Variants in PCDHGA12 observed in about 807,000 individuals in gnomAD.
The protein encoded by PCDHGA12 is protocadherin gamma subfamily A, 12.
In PCDHGA12, 43 loss-of-function variants were observed where a neutral mutation model predicts 61.1. The ratio of observed to expected loss-of-function variants is 0.70; its 90% CI spans 0.55 to 0.91. PCDHGA12 has a LOEUF of 0.91. Ranked by LOEUF, PCDHGA12 falls within the 40% of genes least tolerant of loss-of-function variation. The probability of loss-of-function intolerance (pLI) is 0.00; values close to 1 mark genes in which losing one functional copy is unlikely to be tolerated. For missense variants in PCDHGA12, 1,236 were observed against 1,227.7 expected (o/e 1.01, Z -0.10); for synonymous variants, 520 against 542.9 (o/e 0.96, Z 0.59).
chr5:141,487,032 C>T lies in PCDHGA12; in HGVS notation c.2425-7775C>T. 6.2e-7 allele frequency: 1 copy of T among 1,614,210 alleles called. No individual in the cohort carries two copies. The highest frequency in any genetic ancestry group is 1.1e-5 in the South Asian group (1 of 91,084). ...GAGGCCCCAGATCCCAGCCTGTTTG[C>T]AGTCTCTCGATATGCTGGGGAGGTG... On this transcript the variant is annotated intron_variant, in intron 1 of 3. Coordinates refer to ENST00000252085, the MANE Select transcript of PCDHGA12 (RefSeq NM_003735.3). The surrounding 1 kb of genome is among the most constrained non-coding windows in gnomAD (Gnocchi z 5.0).
intron 1 of PCDHGA12, among the ~76,000 whole-genome samples, chr5:141,458,512 TG>T (rs995261761): frequency 1.3e-5 from 2 of 150,194 alleles, no homozygotes; most frequent in East Asian, 1.9e-4. Flanking sequence ...TTTGACACTT[TG>T]TTTTTTTTTT....
intron 3 of PCDHGA12, among the ~76,000 whole-genome samples, chr5:141,508,629 T>C (rs934648689): frequency 6.6e-6 from 1 of 152,054 alleles, no homozygotes; most frequent in Non-Finnish European, 1.5e-5. Context: ...GGGCCGAGCT[T>C]CTAGCTACTC....
rs150878327 is a variant in PCDHGA12 at position 141,438,347 on chromosome 5, C to A, written c.2424+5164C>A. On this transcript the variant is annotated intron_variant, in intron 1 of 3. Coordinates refer to ENST00000252085, the MANE Select transcript of PCDHGA12 (RefSeq NM_003735.3). ...CTTATACATGTCATATAAGGATCTACTCTGTGTATTGTCATTGAGGGCAGA... is the reference window on the plus strand; with the variant it reads ...CTTATACATGTCATATAAGGATCTAATCTGTGTATTGTCATTGAGGGCAGA... Among the ~76,000 whole-genome samples the A allele has an allele frequency of 3.9e-3, 588 of 151,848 alleles. 6 individuals are homozygous for A. Among genetic ancestry groups the A allele is most frequent in the Admixed American group, 0.011 (169 of 15,256 alleles).
chr5:141,432,362 C>T lies in PCDHGA12; in HGVS notation c.1603C>T (p.Arg535Trp). Residue 535 changes from arginine to tryptophan, a missense_variant, in exon 1 of 4, where the codon CGG becomes TGG. Transcript: ENST00000252085. The surrounding 1 kb of genome is among the most constrained non-coding windows in gnomAD (Gnocchi z 6.0). ...AGACTTGCAAGTGAAAGTGATGGCG[C>T]GGGACAACGGGCACCCGCCCCTCAG... ...FRDLQVKVMA[R>W]DNGHPPLSSN... 2 of 1,614,218 alleles carry T rather than the reference C, an allele frequency of 1.2e-6. No homozygotes were observed. Among genetic ancestry groups the T allele is most frequent in the South Asian group, 2.2e-5 (2 of 91,082 alleles).
In PCDHGA12 at chr5:141,430,635, T is replaced by C. The variant is rs1561846344; in HGVS notation, c.-125T>C. 1 of 881,828 alleles carries C rather than the reference T, an allele frequency of 1.1e-6. No individual in the cohort carries two copies. The highest frequency in any genetic ancestry group is 1.7e-5 in the African/African-American group (1 of 58,728). The allele number at this position is 881,828 out of a possible 1,614,324, so 54.6% of individuals were successfully genotyped here. A position where few individuals can be genotyped will look rare whatever the true frequency, so the allele number is the denominator to read the frequency against. On this transcript the variant is annotated 5_prime_UTR_variant, in exon 1 of 4. Transcript: ENST00000252085. Reference sequence around the variant, plus strand: ...CAGATAGCTAGGAATGAACCATCCCTGGGAGTATGTGGAAACAACGGAGGA... The same window carrying C: ...CAGATAGCTAGGAATGAACCATCCCCGGGAGTATGTGGAAACAACGGAGGA...
intron 1 of PCDHGA12, among the ~76,000 whole-genome samples, chr5:141,482,605 C>T (rs2099569133): frequency 6.7e-6 from 1 of 150,032 alleles, no homozygotes; most frequent in Admixed American, 6.6e-5. Flanking sequence ...GAAAAAACAC[C>T]TAAATGAGCC....
intron 1 of PCDHGA12, among the ~76,000 whole-genome samples, chr5:141,448,117 A>G (rs564444141): frequency 6.6e-6 from 1 of 152,094 alleles, no homozygotes; most frequent in Non-Finnish European, 1.5e-5. Flanking sequence ...AAAGAAAATT[A>G]GCCTCCCCCA....
chr5:141,437,719 TA>T (rs1316054877), intron 1 of PCDHGA12, among the ~76,000 whole-genome samples: 1 of 151,332 alleles, frequency 6.6e-6, no homozygotes, highest in African/African-American at 2.4e-5. Context: ...AGTTACCCTC[TA>T]ATGTTACACT....
At chr5:141,492,509 C>T (rs1276866000) in intron 1 of PCDHGA12, among the ~76,000 whole-genome samples, 1 of 152,216 alleles carries the variant, frequency 6.6e-6, no homozygotes, top group African/African-American at 2.4e-5. Context: ...CCGGAGCCTC[C>T]TCTCACCTCT....
Position 141,476,364 on chromosome 5 carries a change from C to T in PCDHGA12, c.2425-18443C>T, listed in dbSNP as rs1462808655. The T allele has an allele frequency of 6.2e-7, 1 of 1,614,036 alleles. No homozygotes were observed. The highest frequency in any genetic ancestry group is 8.5e-7 in the Non-Finnish European group (1 of 1,180,026). Reference sequence around the variant, plus strand: ...AGATTCTTTGAGGTGAACCGGGAGACCGGAGAGATGTTTGTGAACGACCGT... The same window carrying T: ...AGATTCTTTGAGGTGAACCGGGAGATCGGAGAGATGTTTGTGAACGACCGT... On this transcript the variant is annotated intron_variant, in intron 1 of 3. Coordinates refer to ENST00000252085, the MANE Select transcript of PCDHGA12 (RefSeq NM_003735.3). This position sits in a 1 kb window ranked among gnomAD's most constrained non-coding sequence, Gnocchi z 7.6.
intron 1 of PCDHGA12, chr5:141,441,799 G>C (rs546770596): frequency 2.6e-6 from 1 of 385,350 alleles, no homozygotes; most frequent in Non-Finnish European, 5.2e-6. Context: ...AACGCACCGC[G>C]GGTGCTGTAC....
Position 141,487,893 on chromosome 5 carries a change from G to A in PCDHGA12, c.2425-6914G>A. Reference sequence around the variant, plus strand: ...AGCCAGGCTGTTGTGGAAGCATGATGATGGAATGTGGGAGCACAGGAGGCT... The same window carrying A: ...AGCCAGGCTGTTGTGGAAGCATGATAATGGAATGTGGGAGCACAGGAGGCT... On this transcript the variant is annotated intron_variant, in intron 1 of 3. Coordinates refer to ENST00000252085, the MANE Select transcript of PCDHGA12 (RefSeq NM_003735.3). The surrounding 1 kb of genome is among the most constrained non-coding windows in gnomAD (Gnocchi z 5.0). The A allele has an allele frequency of 1.4e-6, 1 of 731,472 alleles. No individual in the cohort carries two copies. The highest frequency in any genetic ancestry group is 2.2e-6 in the Non-Finnish European group (1 of 450,166). 45.3% of individuals were successfully genotyped at this position (731,472 alleles called of 1,614,324 possible). A position where few individuals can be genotyped will look rare whatever the true frequency, so the allele number is the denominator to read the frequency against.
chr5:141,450,015 T>A (rs911475310), intron 1 of PCDHGA12, among the ~76,000 whole-genome samples: 12 of 149,806 alleles, frequency 8.0e-5, no homozygotes, highest in Non-Finnish European at 1.6e-4. Flanking sequence ...TCTTTTTTTT[T>A]TTTTTTTTTG....
At chr5:141,434,193 T>G (rs2097677103) in intron 1 of PCDHGA12, among the ~76,000 whole-genome samples, 1 of 152,246 alleles carries the variant, frequency 6.6e-6, no homozygotes, top group South Asian at 2.1e-4. Flanking sequence ...GTAATTCCAA[T>G]GTACTTACTT....
At chr5:141,502,056 C>A (rs1163976282) in intron 2 of PCDHGA12, among the ~76,000 whole-genome samples, 1 of 152,116 alleles carries the variant, frequency 6.6e-6, no homozygotes, top group Non-Finnish European at 1.5e-5. Context: ...CTACTTTATT[C>A]CCATTAGCCC....
In PCDHGA12 at chr5:141,432,129, A is replaced by T. The variant is rs758099753; in HGVS notation, c.1370A>T (p.Tyr457Phe). The T allele has an allele frequency of 6.2e-6, 10 of 1,614,054 alleles. No individual in the cohort carries two copies. In the South Asian group the frequency reaches 8.8e-5, roughly 14 times the overall value. Residue 457 changes from tyrosine (Y) to phenylalanine (F), a missense_variant, in exon 1 of 4, where the codon TAT becomes TTT. Tyr to Phe is a conservative substitution (Grantham distance 22). Transcript: ENST00000252085. This position sits in a 1 kb window ranked among gnomAD's most constrained non-coding sequence, Gnocchi z 6.0. ...DNPPVFPQASYSAYIPENNPR... is the reference protein window; with the variant it reads ...DNPPVFPQASFSAYIPENNPR... ...CCGCCGGTCTTCCCTCAGGCCTCCTATTCCGCTTATATCCCAGAGAACAAT... is the reference window on the plus strand; with the variant it reads ...CCGCCGGTCTTCCCTCAGGCCTCCTTTTCCGCTTATATCCCAGAGAACAAT...
rs1188941232 is a variant in PCDHGA12, at chr5:141,512,270, G to A, written c.*1097G>A. ...TCTGTGGGTGCTGGGTACTCCAGAG[G>A]TGCCACTGGTGGAAGGGTCAGCGGA... On this transcript the variant is annotated 3_prime_UTR_variant, in exon 4 of 4. Coordinates refer to ENST00000252085, the MANE Select transcript of PCDHGA12 (RefSeq NM_003735.3). The A allele has an allele frequency of 1.3e-5, 2 of 152,714 alleles. No individual in the cohort carries two copies. The highest frequency in any genetic ancestry group is 2.9e-5 in the Non-Finnish European group (2 of 68,100). The allele number at this position is 152,714 out of a possible 1,614,324, so 9.5% of individuals were successfully genotyped here.
Position 141,487,397 on chromosome 5 carries a change from G to A in PCDHGA12, c.2425-7410G>A. 1 of 1,614,062 alleles carries A rather than the reference G, an allele frequency of 6.2e-7. No homozygotes were observed. Among genetic ancestry groups the A allele is most frequent in the Middle Eastern group, 1.6e-4 (1 of 6,062 alleles). Reference sequence around the variant, plus strand: ...TCTCACCAGATCTCGAAGGAGGGAGGGGCTTCCCCCTTCCAATGGGATCCT... The same window carrying A: ...TCTCACCAGATCTCGAAGGAGGGAGAGGCTTCCCCCTTCCAATGGGATCCT... On this transcript the variant is annotated intron_variant, in intron 1 of 3. Coordinates refer to ENST00000252085, the MANE Select transcript of PCDHGA12 (RefSeq NM_003735.3). This position sits in a 1 kb window ranked among gnomAD's most constrained non-coding sequence, Gnocchi z 5.0.
intron 1 of PCDHGA12, chr5:141,478,346 G>A: frequency 6.2e-7 from 1 of 1,613,794 alleles, no homozygotes; most frequent in African/African-American, 1.3e-5. Context: ...CTCCTTGCAC[G>A]CGGACGCCGT....
Sources: allele counts gnomAD v4.1 joint callset (sites outside exome capture counted in the v4.1 genomes callset), GRCh38; gene constraint gnomAD v4.1.1; non-coding constraint Gnocchi (gnomAD v3.1); transcripts MANE v1.5; gene names NCBI Gene and HGNC (gene_info 2026-07-23, HGNC 2026-07-21).